ASCC2: variants seen among roughly 807,000 people sequenced by gnomAD.
ASCC2 encodes activating signal cointegrator 1 complex subunit 2.
ASCC2 carries 42 observed loss-of-function variants against 93.5 expected under a neutral mutation model. The observed-to-expected ratio is 0.45, with a 90% CI of 0.35 to 0.58. The LOEUF (loss-of-function observed/expected upper bound fraction) is 0.58. Among genes scored for constraint, ASCC2 ranks in the 20% least tolerant of loss-of-function variants. ASCC2 has a pLI of 0.00. For synonymous variants in ASCC2, 364 were observed against 384.2 expected, an observed-to-expected ratio of 0.95 and a Z score of 0.62; for missense variants, 859 against 977.6, an observed-to-expected ratio of 0.88 and a Z score of 1.62.
At chr22:29,793,094 G>A (rs1034553894) in intron 17 of ASCC2, among the ~76,000 whole-genome samples, 2 of 152,182 alleles carry the variant, frequency 1.3e-5, no homozygotes, top group African/African-American at 4.8e-5. Context: ...CAAGGCTGCA[G>A]TCAGCCATGA....
intron 6 of ASCC2, chr22:29,815,122 C>T (rs1031773369): frequency 6.4e-5 from 14 of 218,038 alleles, no homozygotes; most frequent in Non-Finnish European, 1.1e-4. Context: ...TGGTGAGACC[C>T]CCATCTCCAC....
chr22:29,825,866 G>T lies in ASCC2; in HGVS notation c.82-86C>A. 1 of 1,490,814 alleles carries T rather than the reference G, an allele frequency of 6.7e-7. No homozygotes were observed. Among genetic ancestry groups the T allele is most frequent in the Non-Finnish European group, 9.1e-7 (1 of 1,104,184 alleles). The allele number at this position is 1,490,814 out of a possible 1,614,324, so 92.3% of individuals were successfully genotyped here. ...CAACCCACAGCAATGACAACACTTG[G>T]CTGTTCCAACCGGTGACCCTCCAAG... On this transcript the variant is annotated intron_variant, in intron 2 of 19. Transcript: ENST00000307790. This position sits in a 1 kb window ranked among gnomAD's most constrained non-coding sequence, Gnocchi z 4.9.
At chr22:29,806,424 G>T in intron 11 of ASCC2, 61 bp downstream of exon 11, 2 of 1,587,386 alleles carry the variant, frequency 1.3e-6, no homozygotes, top group Non-Finnish European at 1.7e-6. Flanking sequence ...GGTCTATCAT[G>T]TAAGGCCTCT....
At chr22:29,798,758 T>G (rs961368419) in intron 15 of ASCC2, among the ~76,000 whole-genome samples, 2 of 152,268 alleles carry the variant, frequency 1.3e-5, no homozygotes, top group Non-Finnish European at 2.9e-5. Context: ...ACTTGTTTAA[T>G]GGTCTTTCTT....
At chr22:29,796,328 C>T (rs979990705) in intron 15 of ASCC2, among the ~76,000 whole-genome samples, 1 of 151,974 alleles carries the variant, frequency 6.6e-6, no homozygotes, top group African/African-American at 2.4e-5. Flanking sequence ...CTGTGCCGGG[C>T]AGGGTATGAG....
At chr22:29,794,500 T>G (rs951935708) in intron 15 of ASCC2, among the ~76,000 whole-genome samples, 7 of 151,724 alleles carry the variant, frequency 4.6e-5, no homozygotes, top group Non-Finnish European at 1.0e-4. Flanking sequence ...TCAAAATAAA[T>G]AAATAAATAA....
intron 6 of ASCC2, among the ~76,000 whole-genome samples, chr22:29,815,566 A>T (rs1174852336): frequency 2.0e-5 from 3 of 152,188 alleles, no homozygotes; most frequent in African/African-American, 7.2e-5. Context: ...TGAACAGTAG[A>T]TATCTCTTGG....
intron 15 of ASCC2, among the ~76,000 whole-genome samples, chr22:29,797,719 C>A (rs1449945832): frequency 6.6e-6 from 1 of 152,222 alleles, no homozygotes; most frequent in East Asian, 1.9e-4. Flanking sequence ...TGCTCTGCGA[C>A]TCCCCAAAAG....
Position 29,825,077 on chromosome 22 carries a change from A to T in ASCC2, c.411+10T>A. 6.8e-7 allele frequency: 1 copy of T among 1,459,918 alleles called. No individual in the cohort carries two copies. Among genetic ancestry groups the T allele is most frequent in the Non-Finnish European group, 9.1e-7 (1 of 1,098,746 alleles). The allele number at this position is 1,459,918 out of a possible 1,614,324, so 90.4% of individuals were successfully genotyped here. On this transcript the variant is annotated intron_variant, in intron 4 of 19. Transcript: ENST00000307790. This position sits in a 1 kb window ranked among gnomAD's most constrained non-coding sequence, Gnocchi z 4.9. ...TCGGGTGATGACCTGTCATGGGATC[A>T]GTGGCTTACTTTGGATTCCTTGTGA...
chr22:29,789,556 T>C (rs76168920), intron 19 of ASCC2, among the ~76,000 whole-genome samples: 1,855 of 152,352 alleles, frequency 0.012, 42 homozygotes, highest in African/African-American at 0.043. Context: ...TTCTCTACCC[T>C]AGGGCTTTGC....
chr22:29,826,874 G>A lies in ASCC2; in HGVS notation c.82-1094C>T, dbSNP rs1012835667. Among the ~76,000 whole-genome samples, 3 of 151,896 alleles carry A rather than the reference G, an allele frequency of 2.0e-5. 1 individual carries two copies. The highest frequency in any genetic ancestry group is 2.0e-4 in the Admixed American group (3 of 15,250). Reference sequence around the variant, plus strand: ...GCACTTTGGGAGGCTGAGGCAGGCAGATCACGAGGTCAGGAGATCGAGACC... The same window carrying A: ...GCACTTTGGGAGGCTGAGGCAGGCAAATCACGAGGTCAGGAGATCGAGACC... On this transcript the variant is annotated intron_variant, in intron 2 of 19. Transcript: ENST00000307790.
At chr22:29,806,150 CA>C (rs1413135680) in intron 12 of ASCC2, 65 bp downstream of exon 12, 1 of 1,542,124 alleles carries the variant, frequency 6.5e-7, no homozygotes, top group East Asian at 2.2e-5. Context: ...TGGGTTCCAG[CA>C]GCCTGTCTCA....
chr22:29,820,633 T>C (rs964256194), intron 5 of ASCC2, among the ~76,000 whole-genome samples: 2 of 151,638 alleles, frequency 1.3e-5, no homozygotes, highest in Admixed American at 6.6e-5. Flanking sequence ...ATATTATCTT[T>C]ACCATTAAGA....
At chr22:29,818,732 T>C (rs1305992504) in intron 5 of ASCC2, among the ~76,000 whole-genome samples, 1 of 151,992 alleles carries the variant, frequency 6.6e-6, no homozygotes, top group Non-Finnish European at 1.5e-5. Context: ...CACTCTCCCA[T>C]CACCACGCAG....
chr22:29,801,198 TC>T, intron 14 of ASCC2, 88 bp from the exon 15 acceptor site: 1 of 1,456,952 alleles, frequency 6.9e-7, no homozygotes, highest in Non-Finnish European at 9.2e-7. Context: ...ATTAAATCCA[TC>T]GGATTTTTCA....
Position 29,789,115 on chromosome 22 carries a change from G to T in ASCC2, c.2172C>A (p.Thr724=), listed in dbSNP as rs768554781. The T allele has an allele frequency of 6.2e-7, 1 of 1,614,178 alleles. No homozygotes were observed. Among genetic ancestry groups the T allele is most frequent in the Non-Finnish European group, 8.5e-7 (1 of 1,180,018 alleles). The change falls in exon 20 of 20, where the codon ACC becomes ACA. Residue 724 remains threonine (T), a synonymous_variant. Coordinates refer to ENST00000307790, the MANE Select transcript of ASCC2 (RefSeq NM_032204.5). ...PRGHGQSRET[T]QERRKKEANK... ...TGGCTTCCTTCTTCCTGCGTTCCTGGGTTGTCTCGCGGCTCTGCCCATGGC... is the reference window on the plus strand; with the variant it reads ...TGGCTTCCTTCTTCCTGCGTTCCTGTGTTGTCTCGCGGCTCTGCCCATGGC...
intron 8 of ASCC2, chr22:29,810,338 C>A (rs1034726628): frequency 6.6e-6 from 1 of 152,248 alleles, no homozygotes; most frequent in Non-Finnish European, 1.5e-5. Flanking sequence ...AAAGCCGGAA[C>A]TGCAGCTTAA....
intron 1 of ASCC2, among the ~76,000 whole-genome samples, chr22:29,833,869 TTTTC>T (rs1284558323): frequency 7.4e-6 from 1 of 135,934 alleles, no homozygotes; most frequent in African/African-American, 2.5e-5. Context: ...CTCTAAGTGC[TTTTC>T]TTTTTCTTTT....
At chr22:29,801,395 C>T (rs1443169562) in intron 14 of ASCC2, among the ~76,000 whole-genome samples, 1 of 152,112 alleles carries the variant, frequency 6.6e-6, no homozygotes, top group Non-Finnish European at 1.5e-5. Flanking sequence ...ACATTTAATG[C>T]TCGTAATAGT....
Sources: gnomAD v4.1 joint callset for allele counts (sites outside exome capture counted in the v4.1 genomes callset) on GRCh38, gnomAD v4.1.1 for gene constraint, Gnocchi (gnomAD v3.1) non-coding constraint, MANE v1.5 for transcripts, NCBI Gene and HGNC (gene_info 2026-07-23, HGNC 2026-07-21) for gene names.